Variants in CCDC141 observed in about 807,000 individuals in gnomAD.
CCDC141 encodes coiled-coil domain-containing protein 141.
CCDC141 carries 168 observed loss-of-function variants against 181.0 expected under a neutral mutation model. The observed-to-expected ratio is 0.93, with a 90% confidence interval of 0.82 to 1.05. The LOEUF (loss-of-function observed/expected upper bound fraction) is 1.05. Among genes scored for constraint, CCDC141 ranks in the 50% least tolerant of loss-of-function variants. The pLI is 0.00. For synonymous variants in CCDC141, 666 were observed against 642.3 expected (o/e 1.04, Z -0.56); for missense variants, 1,902 against 1,788.5 (o/e 1.06, Z -1.14).
At chr2:178,951,154 G>A (rs1287832666) in intron 5 of CCDC141, among the ~76,000 whole-genome samples, 1 of 152,188 alleles carries the variant, frequency 6.6e-6, no homozygotes, top group Non-Finnish European at 1.5e-5. Flanking sequence ...TTCAGGAGAG[G>A]AAACAGAGCC....
chr2:178,934,169 C>G (rs750194193), intron 6 of CCDC141, among the ~76,000 whole-genome samples: 11 of 152,160 alleles, frequency 7.2e-5, no homozygotes, highest in Admixed American at 2.0e-4. Flanking sequence ...CACACATTCC[C>G]CATGGCACCA....
At chr2:178,858,850 T>C (rs935352071) in intron 17 of CCDC141, among the ~76,000 whole-genome samples, 3 of 152,150 alleles carry the variant, frequency 2.0e-5, no homozygotes. Flanking sequence ...CTGATAACCA[T>C]TGGATTACAT....
intron 2 of CCDC141, among the ~76,000 whole-genome samples, chr2:179,005,393 T>C (rs1307372238): frequency 6.6e-6 from 1 of 152,100 alleles, no homozygotes; most frequent in Non-Finnish European, 1.5e-5. Context: ...CGTTATAATG[T>C]ATATATTACA....
chr2:178,836,962 A>C lies in CCDC141; in HGVS notation c.4257T>G (p.Thr1419=). 2 of 1,613,970 alleles carry C rather than the reference A, an allele frequency of 1.2e-6. No homozygotes were observed. The highest frequency in any genetic ancestry group is 1.7e-6 in the Non-Finnish European group (2 of 1,179,940). Residue 1419 remains threonine (T), a synonymous_variant, in exon 23 of 24, where the codon ACT becomes ACG. Transcript: ENST00000443758. ...PNFSRLLSNV[T]VMEGSPVTLE... is the part of the protein sequence containing the mutation. ...AAGTCACTGGAGAACCTTCCATGAC[A>C]GTTACATTAGACAGGAGCCTGGAGA... is the stretch of plus-strand genomic sequence containing the variant.
At position 178,902,615 on chromosome 2, in the gene CCDC141, C is replaced by T. The variant is rs868355251; in HGVS notation, c.1265+2714G>A. 4.0e-4 allele frequency among the ~76,000 whole-genome samples: 61 copies of T among 152,058 alleles called. No individual in the cohort carries two copies. In the South Asian group the frequency reaches 6.5e-3, roughly 16 times the overall value. On this transcript the variant is annotated intron_variant, in intron 8 of 23. Coordinates refer to ENST00000443758, the MANE Select transcript of CCDC141 (RefSeq NM_173648.4). ...TATGCAAAAATTAATTCAAGATGGACTAAAGACTTAAACGTTACACCTAAA... is the reference window on the plus strand; with the variant it reads ...TATGCAAAAATTAATTCAAGATGGATTAAAGACTTAAACGTTACACCTAAA...
chr2:178,985,059 C>G (rs372152171), intron 2 of CCDC141, among the ~76,000 whole-genome samples: 30 of 151,262 alleles, frequency 2.0e-4, no homozygotes, highest in Non-Finnish European at 3.4e-4. Flanking sequence ...TGACCACATA[C>G]TTGGAAGTAA....
At chr2:179,041,785 T>C (rs866111872) in intron 2 of CCDC141, among the ~76,000 whole-genome samples, 1 of 152,056 alleles carries the variant, frequency 6.6e-6, no homozygotes, top group African/African-American at 2.4e-5. Flanking sequence ...CAAAACAGAC[T>C]GTAAACCAAC....
chr2:178,990,468 G>A lies in CCDC141; in HGVS notation c.226-11793C>T, dbSNP rs180827370. On this transcript the variant is annotated intron_variant, in intron 2 of 23. Transcript: ENST00000443758. ...TTACTGGTGAATGGATGAACAAAATGTACTATATCCATATGAAGGAGTATT... is the reference window on the plus strand; with the variant it reads ...TTACTGGTGAATGGATGAACAAAATATACTATATCCATATGAAGGAGTATT... Among the ~76,000 whole-genome samples the A allele has an allele frequency of 2.3e-3, 346 of 150,724 alleles. 1 individual carries two copies. The highest frequency in any genetic ancestry group is 4.7e-3 in the South Asian group (22 of 4,726).
chr2:179,038,414 G>A (rs1222008660), intron 2 of CCDC141, among the ~76,000 whole-genome samples: 4 of 152,144 alleles, frequency 2.6e-5, no homozygotes, highest in African/African-American at 9.7e-5. Flanking sequence ...GGGGTGATGA[G>A]AAAGTTTTGG....
intron 21 of CCDC141, among the ~76,000 whole-genome samples, chr2:178,848,621 G>C (rs749873738): frequency 6.6e-6 from 1 of 152,192 alleles, no homozygotes; most frequent in African/African-American, 2.4e-5. Flanking sequence ...GATATAACTT[G>C]AAGAAAGTAG....
intron 14 of CCDC141, among the ~76,000 whole-genome samples, chr2:178,870,947 G>C (rs1686089543): frequency 6.6e-6 from 1 of 152,082 alleles, no homozygotes; most frequent in Non-Finnish European, 1.5e-5. Context: ...AAGGTGGAGT[G>C]GAGGGCACAG....
intron 2 of CCDC141, among the ~76,000 whole-genome samples, chr2:179,025,711 G>A (rs2042824688): frequency 6.6e-6 from 1 of 152,310 alleles, no homozygotes; most frequent in African/African-American, 2.4e-5. Flanking sequence ...TAGGTAACAG[G>A]CAGGGGTTGG....
chr2:178,816,233 C>G, the CCDC141 span, among the ~76,000 whole-genome samples: 2 of 152,182 alleles, frequency 1.3e-5, no homozygotes, highest in African/African-American at 4.8e-5. Flanking sequence ...CTGGCAATCA[C>G]TGGTTTCTTA....
chr2:178,895,614 A>G (rs547934997), intron 8 of CCDC141, among the ~76,000 whole-genome samples: 1 of 152,324 alleles, frequency 6.6e-6, no homozygotes, highest in Non-Finnish European at 1.5e-5. Context: ...ACAAGCCAGG[A>G]TTGCAGTTAT....
intron 2 of CCDC141, among the ~76,000 whole-genome samples, chr2:179,038,645 T>G (rs906948148): frequency 6.6e-6 from 1 of 152,216 alleles, no homozygotes; most frequent in Admixed American, 6.5e-5. Context: ...GTTTTACTAC[T>G]AATATATTCT....
intron 7 of CCDC141, among the ~76,000 whole-genome samples, chr2:178,911,692 A>T (rs976623348): frequency 6.6e-6 from 1 of 152,252 alleles, no homozygotes; most frequent in Non-Finnish European, 1.5e-5. Context: ...GATTTGTCAC[A>T]TGGCCAGTCA....
chr2:178,905,559 G>A (rs1227521378), intron 7 of CCDC141, 58 bp from the exon 8 acceptor site: 9 of 1,434,584 alleles, frequency 6.3e-6, no homozygotes, highest in African/African-American at 2.9e-5. Flanking sequence ...CTACATCAAC[G>A]TGTACACAAA....
intron 2 of CCDC141, among the ~76,000 whole-genome samples, chr2:179,006,727 C>T (rs1036229086): frequency 6.6e-6 from 1 of 152,072 alleles, no homozygotes; most frequent in Non-Finnish European, 1.5e-5. Context: ...AAGAATAAAA[C>T]CATTGTTTTC....
In CCDC141 at chr2:178,903,444, A is replaced by G. The variant is rs572220615; in HGVS notation, c.1265+1885T>C. 4.4e-3 allele frequency among the ~76,000 whole-genome samples: 664 copies of G among 152,248 alleles called. 8 individuals carry two copies. The highest frequency in any genetic ancestry group is 0.015 in the African/African-American group (636 of 41,538). ...ATGCAGTCATAAAAATTATGAGTTC[A>G]TGTCCTTTGTAGGGACATGGATGAA... On this transcript the variant is annotated intron_variant, in intron 8 of 23. Transcript: ENST00000443758.
Sources: allele counts gnomAD v4.1 joint callset (sites outside exome capture counted in the v4.1 genomes callset), GRCh38; gene constraint gnomAD v4.1.1; transcripts MANE v1.5; gene names NCBI Gene and HGNC (gene_info 2026-07-23, HGNC 2026-07-21).